Variants in ZNF329 observed in about 807,000 individuals in gnomAD.
ZNF329 encodes the protein zinc finger protein 329.
ZNF329 carries 15 observed loss-of-function variants against 26.6 expected under a neutral mutation model. The observed-to-expected ratio is 0.56, with a 90% CI of 0.38 to 0.87. The LOEUF (loss-of-function observed/expected upper bound fraction) is 0.87. ZNF329 is among the 40% of genes least tolerant of loss of function. The pLI is 0.00. For missense variants in ZNF329, 651 were observed against 651.9 expected (o/e 1.00, Z 0.02); for synonymous variants, 239 against 233.5 (o/e 1.02, Z -0.21).
upstream of ZNF329, among the ~76,000 whole-genome samples, chr19:58,151,524 C>A (rs928022855): frequency 6.7e-6 from 1 of 149,268 alleles, no homozygotes; most frequent in Non-Finnish European, 1.5e-5. Flanking sequence ...TCACTTGAAC[C>A]TGGGAGGCGG....
At chr19:58,152,379 T>A (rs1001835289), upstream of ZNF329, among the ~76,000 whole-genome samples, 19 of 145,604 alleles carry the variant, frequency 1.3e-4, no homozygotes, top group Middle Eastern at 7.2e-3. Flanking sequence ...ATATAAAAAT[T>A]GGCTGGGCAC....
rs774084420 is a variant in ZNF329 at position 58,128,309 on chromosome 19, AG to A, written c.1194del (p.Tyr399MetfsTer72). The A allele has an allele frequency of 6.2e-7, 1 of 1,613,778 alleles. No homozygotes were observed. Among genetic ancestry groups the A allele is most frequent in the South Asian group, 1.1e-5 (1 of 91,066 alleles). ...VHQKIHSGEK[P>X]YECKECGKTF... Reference sequence around the variant, plus strand: ...GTCTTGCCACATTCTTTACATTCATAGGGTTTCTCCCCAGAATGGATCTTTT... The same window carrying A: ...GTCTTGCCACATTCTTTACATTCATAGGTTTCTCCCCAGAATGGATCTTTT... On this transcript the variant is annotated frameshift_variant, in exon 4 of 4. Coordinates refer to ENST00000598312, the MANE Select transcript of ZNF329 (RefSeq NM_024620.4). LOFTEE classifies it high-confidence loss of function.
At chr19:58,141,459 T>C (rs2075185994) in intron 3 of ZNF329, among the ~76,000 whole-genome samples, 1 of 152,088 alleles carries the variant, frequency 6.6e-6, no homozygotes, top group African/African-American at 2.4e-5. Context: ...CCACCATGCC[T>C]AATTTTTGTA....
intron 2 of ZNF329, among the ~76,000 whole-genome samples, chr19:58,142,870 G>T (rs528650983): frequency 2.0e-5 from 3 of 152,186 alleles, no homozygotes; most frequent in Non-Finnish European, 2.9e-5. Context: ...AAGCCAACAA[G>T]AAAGTCTGGG....
chr19:58,134,997 T>C (rs981538787), intron 3 of ZNF329, among the ~76,000 whole-genome samples: 31 of 151,802 alleles, frequency 2.0e-4, no homozygotes, highest in African/African-American at 7.5e-4. Context: ...GCTAGGTTTG[T>C]AGGAAGAAAA....
At chr19:58,149,342 CT>C (rs896573960) in intron 1 of ZNF329, among the ~76,000 whole-genome samples, 4 of 152,212 alleles carry the variant, frequency 2.6e-5, no homozygotes, top group Middle Eastern at 3.4e-3. Context: ...AATAAGCTTG[CT>C]TTCACTTTAC....
In ZNF329 at chr19:58,127,954, C is replaced by T. The variant is rs751665315; in HGVS notation, c.1550G>A (p.Gly517Glu). 1.4e-5 allele frequency: 23 copies of T among 1,613,370 alleles called. No individual in the cohort carries two copies. Among genetic ancestry groups the T allele is most frequent in the East Asian group, 2.2e-5 (1 of 44,878 alleles). Residue 517 changes from glycine to glutamate, a missense_variant, in exon 4 of 4, where the codon GGA (glycine) becomes GAA (glutamate). Gly to Glu is a moderately conservative substitution (Grantham distance 98). Coordinates refer to ENST00000598312, the MANE Select transcript of ZNF329 (RefSeq NM_024620.4). ...GGATGAGCTCTTTTGGAACATTTTT[C>T]CACACTGAGGACACCGGCTGGGACC... Reference protein sequence around the residue: ...REGPSRCPQCGKMFQKSSSLV... With the variant: ...REGPSRCPQCEKMFQKSSSLV...
chr19:58,143,864 C>T (rs1008865973), intron 1 of ZNF329, among the ~76,000 whole-genome samples: 8 of 151,920 alleles, frequency 5.3e-5, no homozygotes, highest in African/African-American at 1.5e-4. Context: ...GTGGATCACC[C>T]GAGGTCAGGA....
At chr19:58,146,613 C>T (rs1268558314) in intron 1 of ZNF329, among the ~76,000 whole-genome samples, 6 of 150,910 alleles carry the variant, frequency 4.0e-5, no homozygotes, top group South Asian at 2.1e-4. Context: ...CGAAGCTGGA[C>T]GGTACTGCTG....
At chr19:58,140,255 A>G (rs2075154320) in intron 3 of ZNF329, among the ~76,000 whole-genome samples, 1 of 152,166 alleles carries the variant, frequency 6.6e-6, no homozygotes. Context: ...TTCTTTACAT[A>G]GACTTAGGGC....
intron 3 of ZNF329, chr19:58,132,617 T>C (rs1447388501): frequency 6.7e-6 from 1 of 150,054 alleles, no homozygotes; most frequent in African/African-American, 2.5e-5. Context: ...GAGGCAGAGG[T>C]TGCAGTGAGA....
At chr19:58,134,658 G>T (rs769665164) in intron 3 of ZNF329, among the ~76,000 whole-genome samples, 2 of 152,086 alleles carry the variant, frequency 1.3e-5, no homozygotes, top group African/African-American at 4.8e-5. Flanking sequence ...AGAGCAGGCC[G>T]GGCGCGGTGG....
intron 1 of ZNF329, among the ~76,000 whole-genome samples, chr19:58,145,337 T>C (rs1005593823): frequency 2.3e-5 from 3 of 132,432 alleles, no homozygotes; most frequent in Non-Finnish European, 5.0e-5. Context: ...TTTTTTTTTT[T>C]TGGAGACAGT....
At chr19:58,145,395 C>T (rs1181981689) in intron 1 of ZNF329, among the ~76,000 whole-genome samples, 2 of 146,252 alleles carry the variant, frequency 1.4e-5, no homozygotes, top group Non-Finnish European at 3.0e-5. Context: ...GATCTCAGCT[C>T]ACTGCAACCT....
In ZNF329 at chr19:58,148,478, C is replaced by T. The variant is rs186699957; in HGVS notation, c.-208+2274G>A. ...TCAGATTGGCAGGAAAAAAAAATTA[C>T]AAATAAAAAACAATTAGTTTTTTGA... On this transcript the variant is annotated intron_variant, in intron 1 of 3. Transcript: ENST00000598312. Among the ~76,000 whole-genome samples the T allele has an allele frequency of 3.5e-5, 5 of 142,484 alleles. No individual in the cohort carries two copies. In the South Asian group the frequency reaches 1.1e-3, roughly 32 times the overall value. The allele number at this position is 142,484 out of a possible 152,430, so 93.5% of individuals were successfully genotyped here.
chr19:58,153,627 T>A (rs754765268), upstream of ZNF329, among the ~76,000 whole-genome samples: 39 of 152,202 alleles, frequency 2.6e-4, no homozygotes, highest in Non-Finnish European at 7.4e-5. Context: ...TGCCAATCCC[T>A]GTTCAGGAAT....
chr19:58,153,711 C>CT (rs960389904), upstream of ZNF329, among the ~76,000 whole-genome samples: 5 of 151,592 alleles, frequency 3.3e-5, no homozygotes, highest in Non-Finnish European at 4.4e-5. Flanking sequence ...CAAAATGGCA[C>CT]TTTTTTTTTC....
chr19:58,144,076 A>G (rs1209309193), intron 1 of ZNF329, among the ~76,000 whole-genome samples: 2 of 152,102 alleles, frequency 1.3e-5, no homozygotes, highest in African/African-American at 2.4e-5. Flanking sequence ...AGCGAGACTC[A>G]GTCTCAAAAA....
intron 1 of ZNF329, among the ~76,000 whole-genome samples, chr19:58,148,490 A>C (rs1339721825): frequency 6.6e-6 from 1 of 151,204 alleles, no homozygotes; most frequent in Non-Finnish European, 1.5e-5. Context: ...AATAAAAAAC[A>C]ATTAGTTTTT....
Sources: allele counts gnomAD v4.1 joint callset (sites outside exome capture counted in the v4.1 genomes callset), GRCh38; gene constraint gnomAD v4.1.1; transcripts MANE v1.5; gene names NCBI Gene and HGNC (gene_info 2026-07-23, HGNC 2026-07-21).